The following CSMD1 variants were observed in gnomAD, a reference collection of about 807,000 sequenced individuals.
CSMD1 encodes the protein CUB and Sushi multiple domains 1, also known as CUB and sushi domain-containing protein 1.
In CSMD1, 213 loss-of-function variants were observed where a neutral mutation model predicts 417.5. The observed-to-expected ratio is 0.51, with a 90% confidence interval of 0.46 to 0.57. The LOEUF is 0.57. Ranked by LOEUF, CSMD1 falls within the 20% of genes least tolerant of loss-of-function variation. The pLI is 0.00. For synonymous variants in CSMD1, 2,862 were observed against 1,736.8 expected (o/e 1.65, Z -16.11); for missense variants, 6,923 against 4,529.7 (o/e 1.53, Z -15.17).
chr8:4,160,110 G>C (rs200383853), intron 3 of CSMD1, among the ~76,000 whole-genome samples: 88 of 4,674 alleles, frequency 0.019, no homozygotes, highest in South Asian at 0.25. Flanking sequence ...AAAGCACTGA[G>C]GACATTAAAA....
intron 50 of CSMD1, among the ~76,000 whole-genome samples, chr8:3,033,385 T>A (rs952718217): frequency 1.3e-5 from 2 of 152,118 alleles, no homozygotes; most frequent in African/African-American, 2.4e-5. Flanking sequence ...CACTACTGAT[T>A]GTTAGAAAGA....
intron 1 of CSMD1, among the ~76,000 whole-genome samples, chr8:4,760,544 T>C (rs1483049156): frequency 6.6e-6 from 1 of 152,164 alleles, no homozygotes; most frequent in Admixed American, 6.5e-5. Context: ...TCTTTAGACA[T>C]ATATTATTGG....
intron 6 of CSMD1, among the ~76,000 whole-genome samples, chr8:3,740,350 C>G (rs1019703036): frequency 2.0e-5 from 3 of 152,128 alleles, no homozygotes; most frequent in African/African-American, 7.2e-5. Flanking sequence ...AAATGATCCG[C>G]CTTCCTTTCA....
At chr8:3,161,052 C>G (rs543516013) in intron 38 of CSMD1, among the ~76,000 whole-genome samples, 2 of 152,310 alleles carry the variant, frequency 1.3e-5, no homozygotes, top group South Asian at 4.1e-4. Context: ...TATAAACATA[C>G]AGCTAAAATA....
intron 10 of CSMD1, among the ~76,000 whole-genome samples, chr8:3,562,006 A>G (rs1462987916): frequency 3.9e-5 from 6 of 152,100 alleles, no homozygotes; most frequent in Admixed American, 1.3e-4. Context: ...AAACTTTGTG[A>G]AGGAGGAGTC....
chr8:3,785,392 G>C lies in CSMD1; in HGVS notation c.819-31350C>G, dbSNP rs892739820. ...TTTTCATTCCACACCTGGCCATCAAGGGTCTGTTCTGGTGAGAGGTCAGGC... is the reference window on the plus strand; with the variant it reads ...TTTTCATTCCACACCTGGCCATCAACGGTCTGTTCTGGTGAGAGGTCAGGC... On this transcript the variant is annotated intron_variant, in intron 5 of 69. Coordinates refer to ENST00000635120, the MANE Select transcript of CSMD1 (RefSeq NM_033225.6). Among the ~76,000 whole-genome samples the C allele has an allele frequency of 7.2e-5, 11 of 152,160 alleles. No individual in the cohort carries two copies. In the East Asian group the frequency reaches 7.7e-4, roughly 11 times the overall value.
intron 5 of CSMD1, among the ~76,000 whole-genome samples, chr8:3,780,489 A>G (rs920529527): frequency 6.6e-5 from 10 of 152,340 alleles, no homozygotes; most frequent in Admixed American, 3.9e-4. Context: ...ATCGAGTATC[A>G]GTAACCATTC....
chr8:3,566,739 C>T (rs557097666), intron 10 of CSMD1, among the ~76,000 whole-genome samples: 90 of 152,190 alleles, frequency 5.9e-4, no homozygotes, highest in Non-Finnish European at 9.7e-4. Context: ...TACCATCTCA[C>T]ACCAGTTGGA....
chr8:4,391,190 T>C (rs143995525), intron 3 of CSMD1, among the ~76,000 whole-genome samples: 2,023 of 152,246 alleles, frequency 0.013, 17 homozygotes, highest in Non-Finnish European at 0.022. Context: ...TCAAGCTGTT[T>C]CCTGAAAAGT....
chr8:4,211,684 C>G (rs781668796), intron 3 of CSMD1, among the ~76,000 whole-genome samples: 5 of 152,184 alleles, frequency 3.3e-5, no homozygotes, highest in African/African-American at 9.7e-5. Context: ...GAAATGCAGA[C>G]TTTAGGCAAG....
chr8:3,107,802 AATG>A lies in CSMD1; in HGVS notation c.6755-7_6755-5del. ...TGACATTTCTTGAGCTGAAATGCTA[AATG>A]ATTAATGGAAAGAATAATAATAATT... On this transcript the variant is annotated splice_polypyrimidine_tract_variant and splice_region_variant and intron_variant, in intron 44 of 69. Transcript: ENST00000635120. 4 of 1,557,394 alleles carry A rather than the reference AATG, an allele frequency of 2.6e-6. No individual in the cohort carries two copies. Among genetic ancestry groups the A allele is most frequent in the Non-Finnish European group, 3.5e-6 (4 of 1,148,320 alleles).
chr8:4,196,330 T>C (rs1298690997), intron 3 of CSMD1, among the ~76,000 whole-genome samples: 2 of 152,188 alleles, frequency 1.3e-5, no homozygotes, highest in East Asian at 1.9e-4. Context: ...TTACTACAAA[T>C]AGAGCGGCTT....
At chr8:3,566,542 TCC>T (rs781323818) in intron 10 of CSMD1, among the ~76,000 whole-genome samples, 111 of 150,792 alleles carry the variant, frequency 7.4e-4, no homozygotes, top group Non-Finnish European at 1.3e-3. Flanking sequence ...CCTCCCTTTG[TCC>T]ATAGAGGATG....
At chr8:4,621,695 T>C (rs923035303) in intron 2 of CSMD1, among the ~76,000 whole-genome samples, 4 of 152,074 alleles carry the variant, frequency 2.6e-5, no homozygotes, top group South Asian at 4.1e-4. Context: ...TACCGTCTCC[T>C]GTACAGTGAA....
At chr8:3,151,288 TTACAGA>T in intron 40 of CSMD1, 103 bp downstream of exon 40, 3 of 675,502 alleles carry the variant, frequency 4.4e-6, no homozygotes, top group Middle Eastern at 5.9e-4. Flanking sequence ...CCACTTTCAA[TTACAGA>T]TACAGTTATG....
At chr8:4,342,826 G>C (rs1355411343) in intron 3 of CSMD1, among the ~76,000 whole-genome samples, 1 of 151,994 alleles carries the variant, frequency 6.6e-6, no homozygotes, top group Non-Finnish European at 1.5e-5. Context: ...ACATCGCAAA[G>C]AAAAAGCAGG....
chr8:4,371,483 C>T (rs1187734511), intron 3 of CSMD1, among the ~76,000 whole-genome samples: 1 of 152,068 alleles, frequency 6.6e-6, no homozygotes, highest in African/African-American at 2.4e-5. Flanking sequence ...ATATAATAAA[C>T]CTAAGGCTTC....
intron 5 of CSMD1, among the ~76,000 whole-genome samples, chr8:3,791,444 T>A (rs760618129): frequency 6.6e-6 from 1 of 152,240 alleles, no homozygotes; most frequent in Non-Finnish European, 1.5e-5. Context: ...CATCCTAGCA[T>A]AGTGCTGATA....
At chr8:4,220,967 C>T (rs1286348002) in intron 3 of CSMD1, among the ~76,000 whole-genome samples, 1 of 152,132 alleles carries the variant, frequency 6.6e-6, no homozygotes, top group Admixed American at 6.5e-5. Context: ...GCGCAGGCGC[C>T]CAGAGGAGCC....
Sources: allele counts gnomAD v4.1 joint callset (sites outside exome capture counted in the v4.1 genomes callset), GRCh38; gene constraint gnomAD v4.1.1; transcripts MANE v1.5; gene names NCBI Gene and HGNC (gene_info 2026-07-23, HGNC 2026-07-21).